PTK2B: variants seen among roughly 807,000 people sequenced by gnomAD.
PTK2B encodes the protein protein tyrosine kinase 2 beta, also known as protein-tyrosine kinase 2-beta.
A neutral mutation model predicts 142.9 loss-of-function variants in PTK2B; 71 were observed. That is an observed-to-expected ratio of 0.50 (90% CI 0.41 to 0.61). The LOEUF is 0.61. PTK2B is among the 20% of genes least tolerant of loss of function. PTK2B has a pLI of 0.00. For synonymous variants in PTK2B, 519 were observed against 503.4 expected (o/e 1.03, Z -0.42); for missense variants, 1,105 against 1,320.4 (o/e 0.84, Z 2.53).
At chr8:27,383,034 G>A (rs976729305) in intron 1 of PTK2B, among the ~76,000 whole-genome samples, 1 of 152,032 alleles carries the variant, frequency 6.6e-6, no homozygotes, top group Non-Finnish European at 1.5e-5. Flanking sequence ...TGGCTATTTG[G>A]GGTATTTTTT....
At chr8:27,419,203 A>G (rs746661085) in intron 2 of PTK2B, among the ~76,000 whole-genome samples, 11 of 152,246 alleles carry the variant, frequency 7.2e-5, no homozygotes, top group Non-Finnish European at 1.6e-4. Flanking sequence ...ACAAGAAAGC[A>G]GGAACAAGAG....
At chr8:27,321,198 G>A (rs540056709), upstream of PTK2B, among the ~76,000 whole-genome samples, 5 of 151,686 alleles carry the variant, frequency 3.3e-5, no homozygotes, top group South Asian at 2.1e-4. Flanking sequence ...GTCTTGCCAC[G>A]TTGGCCAGGC....
intron 1 of PTK2B, among the ~76,000 whole-genome samples, chr8:27,344,734 C>T (rs975513629): frequency 6.6e-6 from 1 of 152,172 alleles, no homozygotes. Context: ...TGTGCTTCTG[C>T]CACCTCTGTA....
intron 1 of PTK2B, among the ~76,000 whole-genome samples, chr8:27,366,029 G>A (rs1398204262): frequency 6.6e-6 from 1 of 152,192 alleles, no homozygotes; most frequent in Non-Finnish European, 1.5e-5. Flanking sequence ...GCCAGCCCTG[G>A]CACACCTGCC....
Position 27,434,501 on chromosome 8 carries a change from C to A in PTK2B, c.1146-12C>A. 1 of 1,608,670 alleles carries A rather than the reference C, an allele frequency of 6.2e-7. No homozygotes were observed. The highest frequency in any genetic ancestry group is 8.5e-7 in the Non-Finnish European group (1 of 1,177,558). ...TGAGCTCACCTGGCTTCTGCTCTCTCACCTCCTACAGAAACCTGGAGGCCC... is the reference window on the plus strand; with the variant it reads ...TGAGCTCACCTGGCTTCTGCTCTCTAACCTCCTACAGAAACCTGGAGGCCC... On this transcript the variant is annotated splice_polypyrimidine_tract_variant and intron_variant, in intron 12 of 30. Transcript: ENST00000346049.
At chr8:27,310,697 G>A (rs567531651), upstream of PTK2B, 1 of 1,305,706 alleles carries the variant, frequency 7.7e-7, no homozygotes, top group African/African-American at 1.5e-5. Context: ...AGCGAGACGC[G>A]GGCACACTGG....
intron 6 of PTK2B, 64 bp from the exon 7 acceptor site, chr8:27,430,300 G>C (rs1810329260): frequency 6.2e-7 from 1 of 1,605,802 alleles, no homozygotes; most frequent in Admixed American, 1.7e-5. Flanking sequence ...CTTCCTGATT[G>C]GCCCGCAGTC....
At chr8:27,336,374 A>T (rs1029576556) in intron 1 of PTK2B, among the ~76,000 whole-genome samples, 2 of 152,126 alleles carry the variant, frequency 1.3e-5, no homozygotes, top group African/African-American at 4.8e-5. Context: ...ATTCAGACAA[A>T]CTAGGCCATA....
chr8:27,316,540 G>A (rs77568527), intron 3 of PTK2B, among the ~76,000 whole-genome samples: 1 of 152,338 alleles, frequency 6.6e-6, no homozygotes, highest in East Asian at 1.9e-4. Flanking sequence ...AAAATATTGG[G>A]ATAAGGACAA....
At chr8:27,345,027 G>T (rs1452777904) in intron 1 of PTK2B, among the ~76,000 whole-genome samples, 3 of 152,188 alleles carry the variant, frequency 2.0e-5, no homozygotes, top group Non-Finnish European at 4.4e-5. Flanking sequence ...GCCAGACATG[G>T]TGGTGGGCAC....
intron 1 of PTK2B, among the ~76,000 whole-genome samples, chr8:27,370,986 C>T (rs117815102): frequency 0.011 from 1,715 of 152,100 alleles, 18 homozygotes; most frequent in Middle Eastern, 0.031. Context: ...GCCTCTGCCT[C>T]CTGGGTTCAA....
At chr8:27,455,605 G>A (rs1586370464) in intron 30 of PTK2B, among the ~76,000 whole-genome samples, 1 of 148,924 alleles carries the variant, frequency 6.7e-6, no homozygotes, top group Admixed American at 6.6e-5. Context: ...TGGTCAGGGT[G>A]ACAGATGTGA....
chr8:27,383,435 G>A (rs879516369), intron 1 of PTK2B, among the ~76,000 whole-genome samples: 4 of 151,926 alleles, frequency 2.6e-5, no homozygotes, highest in Non-Finnish European at 5.9e-5. Flanking sequence ...TAGTAGAGAC[G>A]GGGTGTCACC....
chr8:27,372,808 T>C (rs1274666979), intron 1 of PTK2B, among the ~76,000 whole-genome samples: 1 of 152,200 alleles, frequency 6.6e-6, no homozygotes, highest in Non-Finnish European at 1.5e-5. Context: ...TGCAAACTAG[T>C]GGTCCTGGAA....
At chr8:27,331,707 G>C (rs969536587) in intron 1 of PTK2B, among the ~76,000 whole-genome samples, 59 of 151,886 alleles carry the variant, frequency 3.9e-4, no homozygotes, top group African/African-American at 1.4e-3. Flanking sequence ...GGCTGGTCTC[G>C]AACTCCTGAC....
intron 1 of PTK2B, among the ~76,000 whole-genome samples, chr8:27,360,948 A>C (rs6995736): frequency 0.051 from 7,701 of 152,228 alleles, 620 homozygotes; most frequent in African/African-American, 0.18. Flanking sequence ...CAGGAAAGAA[A>C]GAAACATAGG....
chr8:27,329,438 T>C (rs951534095), intron 1 of PTK2B, among the ~76,000 whole-genome samples: 1 of 152,022 alleles, frequency 6.6e-6, no homozygotes, highest in Non-Finnish European at 1.5e-5. Context: ...AGGAAACTGA[T>C]GGTGAGGCTA....
intron 2 of PTK2B, among the ~76,000 whole-genome samples, chr8:27,417,317 G>GA (rs1809460092): frequency 6.6e-6 from 1 of 152,148 alleles, no homozygotes; most frequent in Non-Finnish European, 1.5e-5. Context: ...TATGCTGAGT[G>GA]AAAAAAGACA....
chr8:27,438,442 T>C (rs1048428962), intron 18 of PTK2B, among the ~76,000 whole-genome samples: 2 of 6,750 alleles, frequency 3.0e-4, no homozygotes, highest in African/African-American at 2.4e-3. Flanking sequence ...ACCATTGACA[T>C]TGGCTCTGTG....
Sources: allele counts gnomAD v4.1 joint callset (sites outside exome capture counted in the v4.1 genomes callset), GRCh38; gene constraint gnomAD v4.1.1; transcripts MANE v1.5; gene names NCBI Gene and HGNC (gene_info 2026-07-23, HGNC 2026-07-21).